NR2C2: variants seen among roughly 807,000 people sequenced by gnomAD.
The protein encoded by NR2C2 is nuclear receptor subfamily 2 group C member 2.
NR2C2 carries 6 observed loss-of-function variants against 62.9 expected under a neutral mutation model. The observed-to-expected ratio is 0.10, with a 90% confidence interval of 0.05 to 0.19. The LOEUF is 0.19. NR2C2 is among the 10% of genes least tolerant of loss of function. The probability of loss-of-function intolerance (pLI) is 1.00; values close to 1 mark genes in which losing one functional copy is unlikely to be tolerated. For missense variants in NR2C2, 479 were observed against 762.7 expected (o/e 0.63, Z 4.38); for synonymous variants, 272 against 273.8 (o/e 0.99, Z 0.07).
intron 7 of NR2C2, among the ~76,000 whole-genome samples, chr3:15,027,522 T>C (rs1253973692): frequency 6.6e-6 from 1 of 152,240 alleles, no homozygotes; most frequent in Non-Finnish European, 1.5e-5. Flanking sequence ...TCTCATGATG[T>C]TGAGCATCTC....
intron 12 of NR2C2, 48 bp from the exon 13 acceptor site, chr3:15,039,074 C>G (rs368844583): frequency 1.3e-5 from 19 of 1,416,510 alleles, no homozygotes; most frequent in Non-Finnish European, 1.8e-5. Flanking sequence ...ACAAGTGAGA[C>G]TTTTCAAATA....
intron 12 of NR2C2, 75 bp from the exon 13 acceptor site, chr3:15,039,047 A>G: frequency 9.4e-7 from 1 of 1,069,138 alleles, no homozygotes; most frequent in Non-Finnish European, 1.4e-6. Context: ...AGTTTGACTA[A>G]AAGTACTAAG....
intron 1 of NR2C2, among the ~76,000 whole-genome samples, chr3:14,949,414 T>G (rs2039275421): frequency 6.6e-6 from 1 of 152,270 alleles, no homozygotes; most frequent in African/African-American, 2.4e-5. Context: ...GAGAACTGGC[T>G]GCTTGTGGCT....
At chr3:14,988,150 A>G (rs941847022) in intron 1 of NR2C2, among the ~76,000 whole-genome samples, 1 of 152,266 alleles carries the variant, frequency 6.6e-6, no homozygotes, top group Non-Finnish European at 1.5e-5. Flanking sequence ...GTAGCTCTGC[A>G]GCTTGGAACA....
intron 2 of NR2C2, among the ~76,000 whole-genome samples, chr3:15,011,538 A>G (rs2124975893): frequency 6.6e-6 from 1 of 152,274 alleles, no homozygotes; most frequent in Admixed American, 6.5e-5. Flanking sequence ...TCTTTTCACA[A>G]GGTTTTCTGT....
intron 4 of NR2C2, among the ~76,000 whole-genome samples, chr3:15,020,328 G>C (rs2041636490): frequency 6.6e-6 from 1 of 152,234 alleles, no homozygotes; most frequent in Non-Finnish European, 1.5e-5. Context: ...GCACGTGTTT[G>C]CTATGTGCCA....
At chr3:14,995,283 G>A (rs571120187) in intron 1 of NR2C2, among the ~76,000 whole-genome samples, 117 of 144,504 alleles carry the variant, frequency 8.1e-4, no homozygotes, top group Middle Eastern at 3.8e-3. Flanking sequence ...TGCAGCCATC[G>A]CTAATACCTA....
At chr3:15,039,253 T>C (rs1367627833) in intron 13 of NR2C2, 26 bp downstream of exon 13, 1 of 1,487,088 alleles carries the variant, frequency 6.7e-7, no homozygotes, top group Non-Finnish European at 9.4e-7. Flanking sequence ...ATATGCGCTC[T>C]TGCTTGGGGC....
At position 15,043,121 on chromosome 3, in the gene NR2C2, C is replaced by T; in HGVS notation, c.*113C>T. The T allele has an allele frequency of 2.0e-6, 2 of 1,011,544 alleles. No homozygotes were observed. Among genetic ancestry groups the T allele is most frequent in the Non-Finnish European group, 2.7e-6 (2 of 731,276 alleles). 62.7% of individuals were successfully genotyped at this position (1,011,544 alleles called of 1,614,324 possible). Reference sequence around the variant, plus strand: ...AATATTTCCATATGTTAGCCATTTCCTGTCTGGTTTCTCCTTATCTGTTAA... The same window carrying T: ...AATATTTCCATATGTTAGCCATTTCTTGTCTGGTTTCTCCTTATCTGTTAA... On this transcript the variant is annotated 3_prime_UTR_variant, in exon 14 of 14. Coordinates refer to ENST00000425241, the MANE Select transcript of NR2C2 (RefSeq NM_001291694.2).
At chr3:15,034,417 A>G (rs2042054453) in intron 10 of NR2C2, 2 of 416,468 alleles carry the variant, frequency 4.8e-6, no homozygotes, top group Non-Finnish European at 8.6e-6. Flanking sequence ...GGCCATACCT[A>G]TTAACATTTT....
chr3:14,971,291 T>C (rs550337290), intron 1 of NR2C2, among the ~76,000 whole-genome samples: 14 of 151,570 alleles, frequency 9.2e-5, no homozygotes, highest in African/African-American at 3.4e-4. Flanking sequence ...CTAATTTTTG[T>C]ATTTTTAGTA....
intron 2 of NR2C2, among the ~76,000 whole-genome samples, chr3:15,007,189 G>A (rs375466151): frequency 2.1e-4 from 30 of 145,716 alleles, no homozygotes; most frequent in African/African-American, 6.9e-4. Context: ...GTGTAGTGGC[G>A]CGATCTTGGC....
At chr3:14,966,332 A>G (rs2039856472) in intron 1 of NR2C2, among the ~76,000 whole-genome samples, 2 of 151,894 alleles carry the variant, frequency 1.3e-5, no homozygotes, top group African/African-American at 4.9e-5. Flanking sequence ...TGAATAGGAA[A>G]GATAGGATCT....
intron 1 of NR2C2, among the ~76,000 whole-genome samples, chr3:14,993,947 G>A (rs1030577810): frequency 7.2e-5 from 11 of 152,132 alleles, no homozygotes; most frequent in African/African-American, 2.2e-4. Flanking sequence ...CAGTCTCAGC[G>A]CCCAACCTGT....
chr3:15,005,368 CTT>C lies in NR2C2; in HGVS notation c.72+1406_72+1407del, dbSNP rs761731325. 4.5e-3 allele frequency among the ~76,000 whole-genome samples: 373 copies of C among 83,036 alleles called. 1 individual carries two copies. The highest frequency in any genetic ancestry group is 0.015 in the African/African-American group (277 of 18,426). The allele number at this position is 83,036 out of a possible 152,430, so 54.5% of individuals were successfully genotyped here. ...TGCCTGGATACACACACGCATAATG[CTT>C]TTTTTTTTTTTTTTTTTTTTTTTAT... On this transcript the variant is annotated intron_variant, in intron 2 of 13. Transcript: ENST00000425241.
rs911600620 is a variant in NR2C2, at chr3:15,048,096, CTCTTTT to C, written c.*5096_*5101del. 6.6e-6 allele frequency: 1 copy of C among 152,662 alleles called. No homozygotes were observed. Among genetic ancestry groups the C allele is most frequent in the African/African-American group, 2.4e-5 (1 of 41,456 alleles). The allele number at this position is 152,662 out of a possible 1,614,324, so 9.5% of individuals were successfully genotyped here. A position where few individuals can be genotyped will look rare whatever the true frequency, so the allele number is the denominator to read the frequency against. Reference sequence around the variant, plus strand: ...AAAAACTCACATAATCCACAGTTTCCTCTTTTTCTTTTTAAAATAAGTTATCAAAAT... The same window carrying C: ...AAAAACTCACATAATCCACAGTTTCCTCTTTTTAAAATAAGTTATCAAAAT... On this transcript the variant is annotated 3_prime_UTR_variant, in exon 14 of 14. Transcript: ENST00000425241.
At chr3:14,949,978 C>T (rs1432277129) in intron 1 of NR2C2, among the ~76,000 whole-genome samples, 1 of 152,152 alleles carries the variant, frequency 6.6e-6, no homozygotes, top group African/African-American at 2.4e-5. Flanking sequence ...CTTTCCTAGC[C>T]TCACTGTCCT....
At chr3:15,042,731 G>A in intron 13 of NR2C2, 103 bp from the exon 14 acceptor site, 1 of 950,746 alleles carries the variant, frequency 1.1e-6, no homozygotes, top group African/African-American at 1.6e-5. Context: ...GGATCCGTTT[G>A]GTTTGATTCT....
chr3:15,023,384 G>T, intron 6 of NR2C2, 37 bp downstream of exon 6: 1 of 1,610,596 alleles, frequency 6.2e-7, no homozygotes, highest in Non-Finnish European at 8.5e-7. Flanking sequence ...AGCCTTTGCA[G>T]CTGATGGAGG....
Sources: allele counts gnomAD v4.1 joint callset (sites outside exome capture counted in the v4.1 genomes callset), GRCh38; gene constraint gnomAD v4.1.1; transcripts MANE v1.5; gene names NCBI Gene and HGNC (gene_info 2026-07-23, HGNC 2026-07-21).